TRIM7: variants seen among roughly 807,000 people sequenced by gnomAD.
The protein encoded by TRIM7 is tripartite motif containing 7.
In TRIM7, 32 loss-of-function variants were observed where a neutral mutation model predicts 37.9. The ratio of observed to expected loss-of-function variants is 0.84; its 90% CI spans 0.64 to 1.13. TRIM7 has a LOEUF of 1.13. Among genes scored for constraint, TRIM7 ranks in the 50% most tolerant of loss-of-function variants. The pLI, the probability that TRIM7 is intolerant of heterozygous loss-of-function variation, is 0.00. For synonymous variants in TRIM7, 351 were observed against 321.3 expected, an observed-to-expected ratio of 1.09 and a Z score of -0.99; for missense variants, 732 against 714.0, an observed-to-expected ratio of 1.03 and a Z score of -0.29.
At chr5:181,195,877 G>A (rs1757089353) in intron 6 of TRIM7, 200 bp from the exon 7 acceptor site, 5 of 530,674 alleles carry the variant, frequency 9.4e-6, no homozygotes, top group South Asian at 4.2e-5. Context: ...CACTCAACAA[G>A]TACTTACTGA....
At chr5:181,203,147 C>T (rs1178879050) in intron 2 of TRIM7, 2 of 533,072 alleles carry the variant, frequency 3.8e-6, no homozygotes, top group Non-Finnish European at 4.9e-6. Flanking sequence ...GTTGACAAAA[C>T]ATGCCATGAG....
Position 181,195,692 on chromosome 5 carries a change from AG to A in TRIM7, c.1025-16del. 6.6e-7 allele frequency: 1 copy of A among 1,511,058 alleles called. No individual in the cohort carries two copies. The highest frequency in any genetic ancestry group is 1.3e-5 in the South Asian group (1 of 74,978). The allele number at this position is 1,511,058 out of a possible 1,614,324, so 93.6% of individuals were successfully genotyped here. A position where few individuals can be genotyped will look rare whatever the true frequency, so the allele number is the denominator to read the frequency against. On this transcript the variant is annotated splice_polypyrimidine_tract_variant and intron_variant, in intron 6 of 6. Coordinates refer to ENST00000274773, the MANE Select transcript of TRIM7 (RefSeq NM_203293.3). ...GGTGAGCTCCACTGCAGACAGAGAC[AG>A]GGAGAAATGTCCCCACGCAGCCAGG...
chr5:181,194,129 G>C lies in TRIM7; in HGVS notation c.*1037C>G, dbSNP rs1037697200. 1.3e-5 allele frequency: 2 copies of C among 152,298 alleles called. No individual in the cohort carries two copies. Among genetic ancestry groups the C allele is most frequent in the Non-Finnish European group, 2.9e-5 (2 of 68,086 alleles). The allele number at this position is 152,298 out of a possible 1,614,324, so 9.4% of individuals were successfully genotyped here. A position where few individuals can be genotyped will look rare whatever the true frequency, so the allele number is the denominator to read the frequency against. ...TTGGCACCAGGGTGCTCTGCTGTTG[G>C]CATTTTCCTGAGTCCGTCAGGAGCA... is the stretch of plus-strand genomic sequence containing the variant. On this transcript the variant is annotated 3_prime_UTR_variant, in exon 7 of 7. Transcript: ENST00000274773.
chr5:181,198,943 C>T (rs1757307931), intron 4 of TRIM7, 138 bp from the exon 5 acceptor site: 4 of 1,210,434 alleles, frequency 3.3e-6, no homozygotes, highest in African/African-American at 1.5e-5. Flanking sequence ...AAACCCATGG[C>T]CAGGCAGGTG....
chr5:181,198,368 G>A (rs908863283), intron 5 of TRIM7, 150 bp from the exon 6 acceptor site: 14 of 837,916 alleles, frequency 1.7e-5, no homozygotes, highest in Non-Finnish European at 2.7e-5. Context: ...CCAAGCATGG[G>A]GAGCGGGGGG....
At chr5:181,203,178 T>C in intron 2 of TRIM7, 1 of 756,938 alleles carries the variant, frequency 1.3e-6, no homozygotes, top group Non-Finnish European at 1.7e-6. Context: ...GTATTAATAT[T>C]CCCACTTATT....
chr5:181,203,129 A>G (rs1757610795), intron 2 of TRIM7: 2 of 399,802 alleles, frequency 5.0e-6, no homozygotes, highest in Admixed American at 6.0e-5. Context: ...TTTTTTCACT[A>G]CTGTTTTGTT....
chr5:181,198,827 A>C, intron 4 of TRIM7, 22 bp from the exon 5 acceptor site: 1 of 1,574,926 alleles, frequency 6.3e-7, no homozygotes, highest in Non-Finnish European at 8.7e-7. Flanking sequence ...GGGCTCTGAG[A>C]AGGGCCTGTG....
intron 2 of TRIM7, chr5:181,200,527 CT>C (rs1757418368): frequency 9.5e-7 from 1 of 1,054,458 alleles, no homozygotes; most frequent in Non-Finnish European, 1.1e-6. Flanking sequence ...TAAAGGCCAT[CT>C]TTCCTGTTTA....
intron 6 of TRIM7, chr5:181,196,837 CT>C (rs1263470211): frequency 1.3e-5 from 2 of 152,204 alleles, no homozygotes; most frequent in Non-Finnish European, 2.9e-5. Context: ...CTTCTCTCTA[CT>C]TTTGAGTATG....
chr5:181,204,745 C>A lies in TRIM7; in HGVS notation c.366G>T (p.Ala122=). ...APGEHGSQAA[A]ARAAAARCGQ... is the part of the protein sequence containing the mutation. ...CGCAGCGGGCAGCCGCTGCCCGGGC[C>A]GCGGCCGCCTGAGACCCGTGCTCTC... The change falls in exon 1 of 7, where the codon GCG becomes GCT. Residue 122 remains alanine (A), a synonymous_variant. Coordinates refer to ENST00000274773, the MANE Select transcript of TRIM7 (RefSeq NM_203293.3). 1 of 1,458,606 alleles carries A rather than the reference C, an allele frequency of 6.9e-7. No individual in the cohort carries two copies. Among genetic ancestry groups the A allele is most frequent in the Admixed American group, 2.6e-5 (1 of 38,256 alleles). 90.4% of individuals were successfully genotyped at this position (1,458,606 alleles called of 1,614,324 possible). A position where few individuals can be genotyped will look rare whatever the true frequency, so the allele number is the denominator to read the frequency against.
rs1000955777 is a variant in TRIM7 at position 181,204,295 on chromosome 5, G to A, written c.522+294C>T. ...AGACGCAGACCAGGCTAGAGGCTCC[G>A]AACAGACAGGAAGAACATCGCCAAG... On this transcript the variant is annotated intron_variant, in intron 1 of 6. Transcript: ENST00000274773. 6 of 1,138,662 alleles carry A rather than the reference G, an allele frequency of 5.3e-6. No homozygotes were observed. The African/African-American group carries it at 9.7e-5, about 18-fold the overall frequency. 70.5% of individuals were successfully genotyped at this position (1,138,662 alleles called of 1,614,324 possible).
Position 181,194,286 on chromosome 5 carries a change from C to T in TRIM7, c.*880G>A, listed in dbSNP as rs1037741348. ...GGGTACAGCGGCTCACACCTGTAATCCCAGCTCTTAGGGAGATGGAAACTG... is the reference window on the plus strand; with the variant it reads ...GGGTACAGCGGCTCACACCTGTAATTCCAGCTCTTAGGGAGATGGAAACTG... On this transcript the variant is annotated 3_prime_UTR_variant, in exon 7 of 7. Coordinates refer to ENST00000274773, the MANE Select transcript of TRIM7 (RefSeq NM_203293.3). The T allele has an allele frequency of 3.9e-5, 6 of 152,400 alleles. No homozygotes were observed. Among genetic ancestry groups the T allele is most frequent in the Non-Finnish European group, 5.9e-5 (4 of 68,062 alleles). The allele number at this position is 152,400 out of a possible 1,614,324, so 9.4% of individuals were successfully genotyped here.
At chr5:181,196,322 G>A (rs936611603) in intron 6 of TRIM7, 1 of 152,222 alleles carries the variant, frequency 6.6e-6, no homozygotes, top group Non-Finnish European at 1.5e-5. Context: ...CCGGGAGGTG[G>A]AGATTGCAGT....
rs1757366645 is a variant in TRIM7, at chr5:181,199,890, GA to G, written c.809del (p.Ile270ThrfsTer20). The G allele has an allele frequency of 6.2e-7, 1 of 1,614,084 alleles. No individual in the cohort carries two copies. Among genetic ancestry groups the G allele is most frequent in the Non-Finnish European group, 8.5e-7 (1 of 1,180,042 alleles). ...GGTCAGGCTTTTGAGCTGTCTCCTG[GA>G]TCTGGCTGCTGAGCTTGGACAGCTG... ...ITQLSKLSSQ[I>X]QETAQKPDLD... On this transcript the variant is annotated frameshift_variant, in exon 3 of 7. Coordinates refer to ENST00000274773, the MANE Select transcript of TRIM7 (RefSeq NM_203293.3). LOFTEE classifies it high-confidence loss of function.
At position 181,201,687 on chromosome 5, in the gene TRIM7, A is replaced by C. The variant is rs144522565; in HGVS notation, c.619-1606T>G. ...GAGGCTGAAGTGGGGGGATCGCTTG[A>C]ACGACTCCAGCCTTTGTGACAAAGT... On this transcript the variant is annotated intron_variant, in intron 2 of 6. Transcript: ENST00000274773. Among the ~76,000 whole-genome samples the C allele has an allele frequency of 5.9e-5, 9 of 152,360 alleles. No homozygotes were observed. The East Asian group carries it at 1.7e-3, about 29-fold the overall frequency.
chr5:181,197,959 T>C (rs757305895), intron 6 of TRIM7: 41 of 588,602 alleles, frequency 7.0e-5, no homozygotes, highest in Non-Finnish European at 1.2e-4. Flanking sequence ...TACAGGGCAT[T>C]CCTGCTCCTA....
rs3857300 is a variant in TRIM7, at chr5:181,205,059, C to A, written c.52G>T (p.Ala18Ser). Reference sequence around the variant, plus strand: ...TCGCCCTGCAGCTCTGCCGCCAGCGCTAGAGCCTCGGCGCCGGTTCCGGGG... The same window carrying A: ...TCGCCCTGCAGCTCTGCCGCCAGCGATAGAGCCTCGGCGCCGGTTCCGGGG... ...TGPGTGAEAL[A>S]LAAELQGEAT... Residue 18 changes from alanine (A) to serine (S), a missense_variant, in exon 1 of 7, where the codon GCG (alanine) becomes TCG (serine). Transcript: ENST00000274773. 2.1e-3 allele frequency: 2,851 copies of A among 1,389,250 alleles called. 37 individuals carry two copies. The East Asian group carries it at 0.027, about 13-fold the overall frequency. The allele number at this position is 1,389,250 out of a possible 1,614,324, so 86.1% of individuals were successfully genotyped here.
chr5:181,195,652 C>T lies in TRIM7; in HGVS notation c.1050G>A (p.Thr350=). 2 of 1,528,092 alleles carry T rather than the reference C, an allele frequency of 1.3e-6. No homozygotes were observed. The highest frequency in any genetic ancestry group is 2.0e-5 in the Admixed American group (1 of 48,984). 94.7% of individuals were successfully genotyped at this position (1,528,092 alleles called of 1,614,324 possible). Residue 350 remains threonine (T), a synonymous_variant, in exon 7 of 7, where the codon ACG becomes ACA. Transcript: ENST00000274773. ...EKVELTLDPD[T]ANPRLILSLD... ...GAGAGAGGATGAGGCGCGGGTTGGC[C>T]GTGTCGGGATCCAAGGTGAGCTCCA...
Sources: gnomAD v4.1 joint callset for allele counts (sites outside exome capture counted in the v4.1 genomes callset) on GRCh38, gnomAD v4.1.1 for gene constraint, MANE v1.5 for transcripts, NCBI Gene and HGNC (gene_info 2026-07-23, HGNC 2026-07-21) for gene names.